KIAA1328: variants seen among roughly 807,000 people sequenced by gnomAD.
The protein encoded by KIAA1328 is protein hinderin.
A neutral mutation model predicts 68.1 loss-of-function variants in KIAA1328; 52 were observed. That is an observed-to-expected ratio of 0.76 (90% CI 0.61 to 0.96). The LOEUF is 0.96. KIAA1328 is among the 40% of genes least tolerant of loss of function. The pLI, the probability that KIAA1328 is intolerant of heterozygous loss-of-function variation, is 0.00. For synonymous variants in KIAA1328, 232 were observed against 239.4 expected, an observed-to-expected ratio of 0.97 and a Z score of 0.28; for missense variants, 641 against 677.6, an observed-to-expected ratio of 0.95 and a Z score of 0.60.
At chr18:36,935,293 A>C (rs1426009075) in intron 5 of KIAA1328, among the ~76,000 whole-genome samples, 1 of 152,230 alleles carries the variant, frequency 6.6e-6, no homozygotes, top group African/African-American at 2.4e-5. Context: ...CACTGGAAAT[A>C]AGATCTCTAA....
At chr18:36,944,177 A>G (rs1418156484) in intron 5 of KIAA1328, among the ~76,000 whole-genome samples, 1 of 152,198 alleles carries the variant, frequency 6.6e-6, no homozygotes, top group East Asian at 1.9e-4. Flanking sequence ...TGTTTGTAAA[A>G]TGGGACTGCT....
rs569280041 is a variant in KIAA1328 at position 37,089,298 on chromosome 18, C to T, written c.1232+21753C>T. Among the ~76,000 whole-genome samples, 10 of 150,614 alleles carry T rather than the reference C, an allele frequency of 6.6e-5. No individual in the cohort carries two copies. In the South Asian group the frequency reaches 8.4e-4, roughly 13 times the overall value. On this transcript the variant is annotated intron_variant, in intron 7 of 9. Transcript: ENST00000280020. Reference sequence around the variant, plus strand: ...TTTTCTTTGCATTTCTTTTATAGTCCTTATATTATGTATAGATGATAAATA... The same window carrying T: ...TTTTCTTTGCATTTCTTTTATAGTCTTTATATTATGTATAGATGATAAATA...
At chr18:37,074,312 CCT>C (rs1399778409) in intron 7 of KIAA1328, among the ~76,000 whole-genome samples, 8 of 152,092 alleles carry the variant, frequency 5.3e-5, no homozygotes, top group Non-Finnish European at 8.8e-5. Context: ...TTTTTCTGCC[CCT>C]GTTTCTCACC....
At chr18:36,944,571 T>A (rs9967410) in intron 5 of KIAA1328, among the ~76,000 whole-genome samples, 86,266 of 147,640 alleles carry the variant, frequency 0.58, 26,149 homozygotes, top group East Asian at 0.87. Flanking sequence ...AGAGTGAGAC[T>A]CTGTCTCAAA....
At chr18:36,961,554 G>C (rs574669924) in intron 6 of KIAA1328, among the ~76,000 whole-genome samples, 1 of 152,098 alleles carries the variant, frequency 6.6e-6, no homozygotes, top group Non-Finnish European at 1.5e-5. Flanking sequence ...AAATGTTAAG[G>C]GCAGCCAGAG....
At chr18:37,157,118 T>C (rs1399512096) in intron 7 of KIAA1328, among the ~76,000 whole-genome samples, 1 of 152,160 alleles carries the variant, frequency 6.6e-6, no homozygotes, top group African/African-American at 2.4e-5. Context: ...CAAGCAAGAC[T>C]GTTCAAAGAA....
At chr18:37,113,052 CG>C (rs1175086273) in intron 7 of KIAA1328, among the ~76,000 whole-genome samples, 2 of 152,072 alleles carry the variant, frequency 1.3e-5, no homozygotes, top group Non-Finnish European at 2.9e-5. Flanking sequence ...CTGAAAGGGA[CG>C]GGGAGAATGG....
At chr18:37,064,712 G>T (rs2151725805) in intron 6 of KIAA1328, among the ~76,000 whole-genome samples, 1 of 152,268 alleles carries the variant, frequency 6.6e-6, no homozygotes, top group South Asian at 2.1e-4. Flanking sequence ...AGAAGGAGCA[G>T]AAGGAGTCAG....
At chr18:36,834,419 A>T (rs1433565110) in intron 2 of KIAA1328, 64 bp downstream of exon 2, 23 of 1,360,844 alleles carry the variant, frequency 1.7e-5, no homozygotes, top group African/African-American at 4.4e-5. Context: ...GAAGAAAATA[A>T]AGCTATTAGA....
intron 7 of KIAA1328, among the ~76,000 whole-genome samples, chr18:37,081,053 T>C (rs1474050922): frequency 6.6e-6 from 1 of 151,862 alleles, no homozygotes; most frequent in African/African-American, 2.4e-5. Context: ...TGATCTCGAC[T>C]CACTGCAACC....
intron 3 of KIAA1328, among the ~76,000 whole-genome samples, chr18:36,840,668 G>A (rs374177154): frequency 1.8e-3 from 271 of 152,126 alleles, no homozygotes; most frequent in African/African-American, 6.4e-3. Flanking sequence ...GACCAGGCTG[G>A]TCTTGAACTC....
At chr18:37,049,146 CTG>C (rs2151655932) in intron 6 of KIAA1328, among the ~76,000 whole-genome samples, 1 of 152,232 alleles carries the variant, frequency 6.6e-6, no homozygotes, top group South Asian at 2.1e-4. Flanking sequence ...TTTAAGAGAA[CTG>C]TAAATAAATA....
intron 7 of KIAA1328, among the ~76,000 whole-genome samples, chr18:37,134,019 C>CT (rs951006307): frequency 3.5e-3 from 504 of 142,356 alleles, no homozygotes; most frequent in African/African-American, 8.6e-3. Context: ...CCTTTACATT[C>CT]TTTTTTTTTT....
chr18:37,166,853 A>G (rs1307658618), intron 8 of KIAA1328, among the ~76,000 whole-genome samples: 2 of 152,226 alleles, frequency 1.3e-5, no homozygotes, highest in Non-Finnish European at 2.9e-5. Context: ...AGACACATCA[A>G]AAAGTCAGAT....
At chr18:36,965,317 T>A (rs2051874486) in intron 6 of KIAA1328, among the ~76,000 whole-genome samples, 1 of 151,858 alleles carries the variant, frequency 6.6e-6, no homozygotes, top group African/African-American at 2.4e-5. Context: ...TAGGTCTGGG[T>A]CACAGACTGG....
At chr18:36,903,367 T>C (rs1320129192) in intron 5 of KIAA1328, among the ~76,000 whole-genome samples, 1 of 152,144 alleles carries the variant, frequency 6.6e-6, no homozygotes, top group Non-Finnish European at 1.5e-5. Context: ...TTTAATGCCA[T>C]GTATTTAAAA....
At chr18:37,169,352 A>AAC (rs2059453912) in intron 8 of KIAA1328, among the ~76,000 whole-genome samples, 2 of 151,880 alleles carry the variant, frequency 1.3e-5, no homozygotes, top group Non-Finnish European at 2.9e-5. Context: ...TTTTTAGTAG[A>AAC]TATGGGGTTT....
At chr18:37,072,218 A>T (rs373574658) in intron 7 of KIAA1328, among the ~76,000 whole-genome samples, 1 of 151,036 alleles carries the variant, frequency 6.6e-6, no homozygotes, top group African/African-American at 2.4e-5. Context: ...GTTTTGCTTC[A>T]TATGAAAATG....
chr18:36,927,600 A>G (rs56722170), intron 5 of KIAA1328, among the ~76,000 whole-genome samples: 7 of 151,942 alleles, frequency 4.6e-5, no homozygotes, highest in Non-Finnish European at 1.0e-4. Flanking sequence ...AAATTTTTTT[A>G]AAATTAACTG....
Sources: allele counts gnomAD v4.1 joint callset (sites outside exome capture counted in the v4.1 genomes callset), GRCh38; gene constraint gnomAD v4.1.1; transcripts MANE v1.5; gene names NCBI Gene and HGNC (gene_info 2026-07-23, HGNC 2026-07-21).